The following RIMS2 variants were observed in gnomAD, a reference collection of about 807,000 sequenced individuals.
RIMS2 encodes regulating synaptic membrane exocytosis protein 2.
A neutral mutation model predicts 174.4 loss-of-function variants in RIMS2; 59 were observed. The observed-to-expected ratio is 0.34, with a 90% CI of 0.27 to 0.42. RIMS2 has a LOEUF of 0.42. RIMS2 is among the 10% of genes least tolerant of loss of function. RIMS2 has a pLI of 1.00. For synonymous variants in RIMS2, 606 were observed against 572.5 expected (o/e 1.06, Z -0.84); for missense variants, 1,620 against 1,666.3 (o/e 0.97, Z 0.48).
chr8:103,898,956 G>A (rs929882651), intron 4 of RIMS2, among the ~76,000 whole-genome samples: 1 of 150,732 alleles, frequency 6.6e-6, no homozygotes, highest in East Asian at 2.0e-4. Context: ...CTACCTATGA[G>A]TGAGAACATG....
At chr8:103,968,154 A>G (rs998000171) in intron 15 of RIMS2, among the ~76,000 whole-genome samples, 6 of 152,080 alleles carry the variant, frequency 3.9e-5, no homozygotes, top group Admixed American at 3.9e-4. Context: ...GTGAGCCATC[A>G]TGCCTGGCCT....
intron 1 of RIMS2, among the ~76,000 whole-genome samples, chr8:103,609,460 A>T (rs1453170700): frequency 7.5e-6 from 1 of 134,064 alleles, no homozygotes; most frequent in Non-Finnish European, 1.7e-5. Context: ...TCTTTCCTAG[A>T]CTATCTTCCA....
At position 104,237,071 on chromosome 8, in the gene RIMS2, G is replaced by A. The variant is rs2099262664; in HGVS notation, c.3335-7845G>A. 7.2e-5 allele frequency among the ~76,000 whole-genome samples: 11 copies of A among 152,046 alleles called. No individual in the cohort carries two copies. The South Asian group carries it at 2.3e-3, about 32-fold the overall frequency. On this transcript the variant is annotated intron_variant, in intron 19 of 23. Coordinates refer to ENST00000504942, the Ensembl canonical transcript of RIMS2. ...AATTATTTCAGTGTGTTTTAAATGG[G>A]AATCTGAATTTTAAGAAAAATGATT...
intron 19 of RIMS2, among the ~76,000 whole-genome samples, chr8:104,023,188 G>A (rs554224213): frequency 6.6e-6 from 1 of 152,218 alleles, no homozygotes; most frequent in Admixed American, 6.5e-5. Context: ...GATAGTTGAA[G>A]CTAGAGGGGT....
chr8:103,596,959 A>AT (rs2094501646), intron 1 of RIMS2, among the ~76,000 whole-genome samples: 2 of 152,030 alleles, frequency 1.3e-5, no homozygotes, highest in South Asian at 4.1e-4. Context: ...GAATCTTAAT[A>AT]TTTTTTCCAT....
At chr8:104,121,818 C>T (rs2098379312) in intron 19 of RIMS2, among the ~76,000 whole-genome samples, 1 of 151,844 alleles carries the variant, frequency 6.6e-6, no homozygotes, top group African/African-American at 2.4e-5. Context: ...AAAAATTAGC[C>T]AGGCGTGGTG....
rs142576985 is a variant in RIMS2, at chr8:104,192,107, G to A, written c.3335-52809G>A. Among the ~76,000 whole-genome samples, 41 of 152,254 alleles carry A rather than the reference G, an allele frequency of 2.7e-4. 1 individual carries two copies. Among genetic ancestry groups the A allele is most frequent in the East Asian group, 7.7e-4 (4 of 5,184 alleles). ...TTTATGCAAGTTAATTCATTAGTAA[G>A]AGTTCTCTCAACTGCAGGCAGTAGT... On this transcript the variant is annotated intron_variant, in intron 19 of 23. Coordinates refer to ENST00000504942, the Ensembl canonical transcript of RIMS2.
intron 1 of RIMS2, among the ~76,000 whole-genome samples, chr8:103,546,543 C>T (rs1845196167): frequency 6.6e-6 from 1 of 152,182 alleles, no homozygotes; most frequent in South Asian, 2.1e-4. Context: ...TAACAGACAG[C>T]TACAGAACTC....
At chr8:103,978,835 A>C (rs1471276115) in intron 16 of RIMS2, among the ~76,000 whole-genome samples, 1 of 152,240 alleles carries the variant, frequency 6.6e-6, no homozygotes, top group Non-Finnish European at 1.5e-5. Context: ...AATAATGTCA[A>C]ATTTATTGTG....
intron 19 of RIMS2, among the ~76,000 whole-genome samples, chr8:104,147,711 T>C (rs10099037): frequency 0.029 from 4,415 of 152,314 alleles, 183 homozygotes; most frequent in African/African-American, 0.099. Flanking sequence ...CAAAACAGAC[T>C]GCTTCCCTCA....
intron 2 of RIMS2, among the ~76,000 whole-genome samples, chr8:103,698,588 C>T (rs117473860): frequency 3.9e-5 from 6 of 151,934 alleles, no homozygotes; most frequent in African/African-American, 1.5e-4. Context: ...CTGGGATAAA[C>T]CTCATTTTGT....
At chr8:104,082,272 G>T (rs561086484) in intron 19 of RIMS2, among the ~76,000 whole-genome samples, 1 of 152,144 alleles carries the variant, frequency 6.6e-6, no homozygotes, top group South Asian at 2.1e-4. Context: ...GAGGAAGGCA[G>T]GCTAGCATAT....
intron 2 of RIMS2, among the ~76,000 whole-genome samples, chr8:103,753,168 C>T (rs2097917235): frequency 6.6e-6 from 1 of 152,028 alleles, no homozygotes; most frequent in East Asian, 1.9e-4. Flanking sequence ...TTGTCAAAGG[C>T]CTTTTCTGCA....
intron 16 of RIMS2, among the ~76,000 whole-genome samples, chr8:103,984,748 G>T (rs180700670): frequency 2.0e-5 from 3 of 152,204 alleles, no homozygotes; most frequent in Non-Finnish European, 2.9e-5. Flanking sequence ...TATTTGCCCT[G>T]TCATATTTGT....
chr8:104,131,776 A>G (rs2098475725), intron 19 of RIMS2, among the ~76,000 whole-genome samples: 1 of 152,208 alleles, frequency 6.6e-6, no homozygotes. Context: ...GTGGATGGCA[A>G]CTAAATCTGA....
chr8:104,057,982 G>T (rs2096904231), intron 19 of RIMS2, among the ~76,000 whole-genome samples: 2 of 152,034 alleles, frequency 1.3e-5, no homozygotes, highest in African/African-American at 4.8e-5. Context: ...TGGACATTTG[G>T]GTTGGTTCCA....
At chr8:103,608,552 A>G (rs2095238042) in intron 1 of RIMS2, among the ~76,000 whole-genome samples, 1 of 144,858 alleles carries the variant, frequency 6.9e-6, no homozygotes, top group South Asian at 2.1e-4. Flanking sequence ...TTGTTTACCT[A>G]AGCAAGCCTG....
intron 1 of RIMS2, among the ~76,000 whole-genome samples, chr8:103,692,626 G>T (rs905387958): frequency 6.6e-6 from 1 of 152,206 alleles, no homozygotes; most frequent in African/African-American, 2.4e-5. Context: ...CTAGGACTGG[G>T]TTCTTTCCTT....
At chr8:103,908,180 TA>T (rs1693527088) in intron 4 of RIMS2, among the ~76,000 whole-genome samples, 1 of 152,206 alleles carries the variant, frequency 6.6e-6, no homozygotes, top group Non-Finnish European at 1.5e-5. Context: ...TAGCTTGGAC[TA>T]CAGGCGTGCA....
Sources: allele counts gnomAD v4.1 joint callset (sites outside exome capture counted in the v4.1 genomes callset), GRCh38; gene constraint gnomAD v4.1.1; transcripts MANE v1.5; gene names NCBI Gene and HGNC (gene_info 2026-07-23, HGNC 2026-07-21).